Variants in ATP5F1C observed in about 807,000 individuals in gnomAD.
ATP5F1C encodes the protein ATP synthase F(1) complex subunit gamma, mitochondrial.
Under a neutral mutation model 37.4 loss-of-function variants are expected in ATP5F1C, and 22 were observed. The observed-to-expected ratio is 0.59, with a 90% CI of 0.42 to 0.84. ATP5F1C has a LOEUF of 0.84. ATP5F1C is among the 40% of genes least tolerant of loss of function. The pLI is 0.00. For missense variants in ATP5F1C, 286 were observed against 362.4 expected (o/e 0.79, Z 1.71); for synonymous variants, 121 against 128.0 (o/e 0.95, Z 0.37).
At chr10:7,797,673 A>G (rs1206443312) in intron 3 of ATP5F1C, among the ~76,000 whole-genome samples, 5 of 152,136 alleles carry the variant, frequency 3.3e-5, no homozygotes, top group Admixed American at 2.0e-4. Flanking sequence ...GGGGCAGTGC[A>G]GTGGAGAGCT....
intron 1 of ATP5F1C, among the ~76,000 whole-genome samples, chr10:7,794,423 G>A (rs1411310290): frequency 6.6e-6 from 1 of 151,852 alleles, no homozygotes; most frequent in East Asian, 1.9e-4. Flanking sequence ...GTGATGAGTG[G>A]GGATTTCCTT....
intron 1 of ATP5F1C, among the ~76,000 whole-genome samples, chr10:7,794,767 A>T (rs1331863345): frequency 2.6e-5 from 4 of 152,216 alleles, no homozygotes; most frequent in African/African-American, 9.6e-5. Flanking sequence ...TACACTGTTG[A>T]GGATTTTTGC....
chr10:7,806,939 T>C (rs773282589), intron 8 of ATP5F1C, 35 bp from the exon 9 acceptor site: 2 of 1,588,402 alleles, frequency 1.3e-6, no homozygotes, highest in South Asian at 2.2e-5. Context: ...CCTGCTTGTT[T>C]TGTGTTTGTC....
chr10:7,798,409 T>G (rs1448388461), intron 3 of ATP5F1C, among the ~76,000 whole-genome samples: 1 of 152,004 alleles, frequency 6.6e-6, no homozygotes, highest in Non-Finnish European at 1.5e-5. Context: ...GGCTAATTTT[T>G]GTATTTTTTT....
chr10:7,806,021 G>A (rs547751977), intron 8 of ATP5F1C, among the ~76,000 whole-genome samples: 2 of 152,284 alleles, frequency 1.3e-5, no homozygotes, highest in Non-Finnish European at 2.9e-5. Flanking sequence ...AGGAGTTTTA[G>A]GCTGCGGTGA....
At position 7,797,165 on chromosome 10, in the gene ATP5F1C, A is replaced by G; in HGVS notation, c.210A>G (p.Gly70=). ...AGCTGAAACCAGCTCGAATATATGG[A>G]TTGGGATCTTTAGGTAAGGGAAGAG... ...ERELKPARIY[G]LGSLALYEKA... Residue 70 remains glycine (G), a synonymous_variant, in exon 3 of 10, where the codon GGA becomes GGG. Coordinates refer to ENST00000356708, the MANE Select transcript of ATP5F1C (RefSeq NM_001001973.3). The G allele has an allele frequency of 6.2e-7, 1 of 1,613,954 alleles. No individual in the cohort carries two copies. The highest frequency in any genetic ancestry group is 8.5e-7 in the Non-Finnish European group (1 of 1,179,904).
chr10:7,797,860 T>C (rs972936094), intron 3 of ATP5F1C, among the ~76,000 whole-genome samples: 1 of 152,242 alleles, frequency 6.6e-6, no homozygotes, highest in African/African-American at 2.4e-5. Context: ...TTAATTAGTC[T>C]TCTTAATGGA....
Position 7,799,112 on chromosome 10 carries a change from A to G in ATP5F1C, c.346A>G (p.Ser116Gly). Residue 116 changes from serine to glycine, a missense_variant, in exon 4 of 10, where the codon AGC becomes GGC. Transcript: ENST00000356708. ...IHSSIAKQMK[S>G]EVATLTAAGK... ...TTCCTCCATTGCTAAACAGATGAAA[A>G]GCGAGGTTGCTACACTAACAGCAGC... is the stretch of plus-strand genomic sequence containing the variant. The G allele has an allele frequency of 6.2e-7, 1 of 1,613,988 alleles. No individual in the cohort carries two copies. Among genetic ancestry groups the G allele is most frequent in the East Asian group, 2.2e-5 (1 of 44,876 alleles).
intron 1 of ATP5F1C, among the ~76,000 whole-genome samples, chr10:7,788,710 C>T (rs1449856834): frequency 6.6e-6 from 1 of 152,106 alleles, no homozygotes; most frequent in Non-Finnish European, 1.5e-5. Flanking sequence ...CTTTGAAACC[C>T]TGTAGTGCTG....
chr10:7,805,984 A>G (rs532101684), intron 8 of ATP5F1C, among the ~76,000 whole-genome samples: 5 of 152,266 alleles, frequency 3.3e-5, no homozygotes, highest in Admixed American at 6.5e-5. Flanking sequence ...TACTCAGGAA[A>G]TTGAGGCAGG....
At chr10:7,800,114 A>G (rs375921938) in intron 6 of ATP5F1C, 23 bp downstream of exon 6, 6 of 1,608,156 alleles carry the variant, frequency 3.7e-6, no homozygotes, top group South Asian at 3.3e-5. Flanking sequence ...TCTATGATAC[A>G]TATTTTTTGG....
chr10:7,796,917 G>A (rs1836250154), intron 2 of ATP5F1C, 130 bp from the exon 3 acceptor site: 1 of 1,040,540 alleles, frequency 9.6e-7, no homozygotes, highest in Non-Finnish European at 1.4e-6. Flanking sequence ...GACTGGTTTA[G>A]CATCGTGCTG....
Position 7,807,021 on chromosome 10 carries a change from C to A in ATP5F1C, c.*30+11C>A. On this transcript the variant is annotated intron_variant, in intron 9 of 9. Transcript: ENST00000356708. ...ATCCTCAGACAAGAGGTAAAGTTCA[C>A]ACATTCTTCCCATGTCTGTTCAGAA... 6.2e-7 allele frequency: 1 copy of A among 1,605,712 alleles called. No individual in the cohort carries two copies. The highest frequency in any genetic ancestry group is 8.5e-7 in the Non-Finnish European group (1 of 1,173,198).
intron 8 of ATP5F1C, 44 bp from the exon 9 acceptor site, chr10:7,806,930 C>T (rs1836493600): frequency 6.4e-7 from 1 of 1,554,062 alleles, no homozygotes; most frequent in African/African-American, 1.4e-5. Context: ...GCTTCTTGAC[C>T]TGCTTGTTTT....
rs140072640 is a variant in ATP5F1C at position 7,795,680 on chromosome 10, G to A, written c.57-441G>A. On this transcript the variant is annotated intron_variant, in intron 1 of 9. Coordinates refer to ENST00000356708, the MANE Select transcript of ATP5F1C (RefSeq NM_001001973.3). The stretch of plus-strand genomic sequence containing the variant: ...CAGTTTATATAAACTACTTTTACAC[G>A]TGTAGTCATGTTCGACTATATCATT... Among the ~76,000 whole-genome samples the A allele has an allele frequency of 1.6e-3, 238 of 152,302 alleles. 1 individual carries two copies. The highest frequency in any genetic ancestry group is 2.3e-3 in the Non-Finnish European group (159 of 68,028).
intron 4 of ATP5F1C, 120 bp downstream of exon 4, chr10:7,799,314 T>A (rs553734945): frequency 1.1e-6 from 1 of 890,156 alleles, no homozygotes; most frequent in African/African-American, 1.7e-5. Context: ...TTCAGGGCCT[T>A]TTTTGGTATA....
Position 7,807,754 on chromosome 10 carries a change from C to A in ATP5F1C, c.*126C>A, listed in dbSNP as rs1050233482. 2 of 1,345,738 alleles carry A rather than the reference C, an allele frequency of 1.5e-6. No homozygotes were observed. The highest frequency in any genetic ancestry group is 2.0e-6 in the Non-Finnish European group (2 of 976,988). The allele number at this position is 1,345,738 out of a possible 1,614,324, so 83.4% of individuals were successfully genotyped here. A position where few individuals can be genotyped will look rare whatever the true frequency, so the allele number is the denominator to read the frequency against. Reference sequence around the variant, plus strand: ...CCTCCATTATTTGAATTACTGAAGACAGCAAGATATTTGTAAATTATCTTA... The same window carrying A: ...CCTCCATTATTTGAATTACTGAAGAAAGCAAGATATTTGTAAATTATCTTA... On this transcript the variant is annotated 3_prime_UTR_variant, in exon 10 of 10. Transcript: ENST00000356708.
chr10:7,805,052 C>T (rs1414140513), intron 8 of ATP5F1C, among the ~76,000 whole-genome samples: 3 of 152,220 alleles, frequency 2.0e-5, no homozygotes, highest in African/African-American at 7.2e-5. Flanking sequence ...TTTCTAAGCA[C>T]AGCTGTGTTA....
intron 1 of ATP5F1C, among the ~76,000 whole-genome samples, chr10:7,795,622 T>C (rs1172876767): frequency 6.6e-6 from 1 of 152,222 alleles, no homozygotes; most frequent in Admixed American, 6.5e-5. Flanking sequence ...TCTTGGTAAA[T>C]GTTTATTGAG....
Sources: gnomAD v4.1 joint callset for allele counts (sites outside exome capture counted in the v4.1 genomes callset) on GRCh38, gnomAD v4.1.1 for gene constraint, MANE v1.5 for transcripts, NCBI Gene and HGNC (gene_info 2026-07-23, HGNC 2026-07-21) for gene names.